The following RAD18 variants were observed in gnomAD, a reference collection of about 807,000 sequenced individuals.
RAD18 encodes the protein E3 ubiquitin-protein ligase RAD18.
Under a neutral mutation model 60.4 loss-of-function variants are expected in RAD18, and 47 were observed. That is an observed-to-expected ratio of 0.78 (90% CI 0.62 to 0.99). The LOEUF (loss-of-function observed/expected upper bound fraction) is 0.99, where lower values mean the gene tolerates loss of function less well. Ranked by LOEUF, RAD18 falls within the 50% of genes least tolerant of loss-of-function variation. RAD18 has a pLI of 0.00. For synonymous variants in RAD18, 225 were observed against 195.5 expected (o/e 1.15, Z -1.26); for missense variants, 640 against 593.3 (o/e 1.08, Z -0.82).
chr3:8,939,626 A>G lies in RAD18; in HGVS notation c.632T>C (p.Ile211Thr). 3 of 1,612,934 alleles carry G rather than the reference A, an allele frequency of 1.9e-6. No individual in the cohort carries two copies. The highest frequency in any genetic ancestry group is 2.5e-6 in the Non-Finnish European group (3 of 1,179,132). The change falls in exon 6 of 13, where the codon ATT (isoleucine) becomes ACT (threonine). Residue 211 changes from isoleucine to threonine, a missense_variant. Physicochemically the swap from Ile to Thr is moderately conservative, Grantham distance 89. Transcript: ENST00000264926. Reference protein sequence around the residue: ...KVDCPVCGVNIPESHINKHLD... With the variant: ...KVDCPVCGVNTPESHINKHLD... Reference sequence around the variant, plus strand: ...ATGCTTATTAATGTGACTTTCTGGAATGTTAACCCCGCAAACAGGACAATC... The same window carrying G: ...ATGCTTATTAATGTGACTTTCTGGAGTGTTAACCCCGCAAACAGGACAATC...
intron 12 of RAD18, among the ~76,000 whole-genome samples, chr3:8,884,044 T>C (rs1427139596): frequency 6.6e-6 from 1 of 152,118 alleles, no homozygotes; most frequent in Non-Finnish European, 1.5e-5. Flanking sequence ...CAGGGAACCA[T>C]TAGACAGGCT....
intron 7 of RAD18, among the ~76,000 whole-genome samples, chr3:8,932,770 T>C (rs962910334): frequency 2.6e-5 from 4 of 152,128 alleles, no homozygotes; most frequent in East Asian, 1.9e-4. Context: ...AATTGTGGCA[T>C]GGCTATAAAG....
Position 8,941,757 on chromosome 3 carries a change from G to A in RAD18, c.314C>T (p.Ala105Val), listed in dbSNP as rs1405968829. Residue 105 changes from alanine (A) to valine (V), a missense_variant, in exon 5 of 13, where the codon GCT (alanine) becomes GTT (valine). Coordinates refer to ENST00000264926, the MANE Select transcript of RAD18 (RefSeq NM_020165.4). Reference sequence around the variant, plus strand: ...AGCAAGATTCTTTGAAGAGGAAGAAGCAGGAGATTTGGCTGGTGACTCTAA... The same window carrying A: ...AGCAAGATTCTTTGAAGAGGAAGAAACAGGAGATTTGGCTGGTGACTCTAA... ...FALESPAKSP[A>V]SSSSKNLAVK... 4 of 1,613,956 alleles carry A rather than the reference G, an allele frequency of 2.5e-6. No homozygotes were observed. The South Asian group carries it at 3.3e-5, about 13-fold the overall frequency.
At chr3:8,897,319 C>T (rs760629135) in intron 11 of RAD18, among the ~76,000 whole-genome samples, 1 of 151,982 alleles carries the variant, frequency 6.6e-6, no homozygotes, top group Admixed American at 6.5e-5. Flanking sequence ...CACTGAACCC[C>T]ACAAGGAAAA....
At chr3:8,923,982 A>G (rs1036374173) in intron 7 of RAD18, among the ~76,000 whole-genome samples, 5 of 152,156 alleles carry the variant, frequency 3.3e-5, no homozygotes, top group African/African-American at 4.8e-5. Flanking sequence ...AAAGACCATC[A>G]AGGCTAGGAA....
chr3:8,938,294 T>C (rs2124825659), intron 6 of RAD18, among the ~76,000 whole-genome samples: 1 of 152,340 alleles, frequency 6.6e-6, no homozygotes, highest in Non-Finnish European at 1.5e-5. Context: ...GTGTCTTATA[T>C]GTTAGCTTTT....
At chr3:8,932,708 T>TA (rs57405233) in intron 7 of RAD18, among the ~76,000 whole-genome samples, 2 of 152,196 alleles carry the variant, frequency 1.3e-5, no homozygotes, top group East Asian at 1.9e-4. Flanking sequence ...TTACTGATAA[T>TA]AAAAAAACTG....
intron 10 of RAD18, among the ~76,000 whole-genome samples, chr3:8,899,495 T>C (rs1358783792): frequency 6.6e-6 from 1 of 152,304 alleles, no homozygotes; most frequent in South Asian, 2.1e-4. Flanking sequence ...TTTCTAAACA[T>C]TTTTCTAGGT....
At position 8,906,969 on chromosome 3, in the gene RAD18, T is replaced by C. The variant is rs142221417; in HGVS notation, c.1028-4449A>G. Among the ~76,000 whole-genome samples the C allele has an allele frequency of 1.7e-3, 258 of 152,382 alleles. 2 individuals are homozygous for C. The highest frequency in any genetic ancestry group is 5.8e-3 in the African/African-American group (243 of 41,594). On this transcript the variant is annotated intron_variant, in intron 9 of 12. Transcript: ENST00000264926. The stretch of plus-strand genomic sequence containing the variant: ...TCCCAAGGGCTTTGTTACTGATTTC[T>C]AATTTAATTTCACTGTGGTCAGAGA...
chr3:8,891,103 T>TATATATATA (rs1939681464), intron 11 of RAD18, among the ~76,000 whole-genome samples: 1 of 150,236 alleles, frequency 6.7e-6, no homozygotes, highest in African/African-American at 2.4e-5. Context: ...TATATCTGTG[T>TATATATATA]TTTATGCATA....
chr3:8,890,592 G>C, intron 11 of RAD18, 141 bp from the exon 12 acceptor site: 1 of 573,982 alleles, frequency 1.7e-6, no homozygotes, highest in East Asian at 2.8e-5. Flanking sequence ...AGGAGGGAGA[G>C]TGGGGGTGGG....
At chr3:8,956,196 A>G (rs949590066) in intron 2 of RAD18, among the ~76,000 whole-genome samples, 9 of 152,116 alleles carry the variant, frequency 5.9e-5, no homozygotes, top group African/African-American at 2.2e-4. Flanking sequence ...GAAGCATTTT[A>G]TGGTTTCTCT....
At chr3:8,947,358 T>C (rs1940854973) in intron 3 of RAD18, 68 bp from the exon 4 acceptor site, 4 of 1,299,356 alleles carry the variant, frequency 3.1e-6, no homozygotes, top group Non-Finnish European at 4.4e-6. Flanking sequence ...ATCTTGTTTT[T>C]GAAAATGTCT....
intron 11 of RAD18, 77 bp from the exon 12 acceptor site, chr3:8,890,528 A>C: frequency 8.6e-7 from 1 of 1,164,340 alleles, no homozygotes; most frequent in Non-Finnish European, 1.3e-6. Context: ...TTCTAGAAAA[A>C]AACAAATGAG....
chr3:8,916,687 T>C (rs34393745), intron 7 of RAD18, among the ~76,000 whole-genome samples: 24 of 152,120 alleles, frequency 1.6e-4, no homozygotes, highest in Non-Finnish European at 2.5e-4. Context: ...ATGTTAGATA[T>C]ATAGATATAG....
intron 9 of RAD18, among the ~76,000 whole-genome samples, chr3:8,911,938 G>A (rs1193342807): frequency 6.6e-6 from 1 of 152,186 alleles, no homozygotes; most frequent in Non-Finnish European, 1.5e-5. Flanking sequence ...GCACAAATTT[G>A]CAAGCTATAG....
chr3:8,926,212 A>G (rs79985925), intron 7 of RAD18, among the ~76,000 whole-genome samples: 100,126 of 150,638 alleles, frequency 0.66, 33,968 homozygotes, highest in Middle Eastern at 0.76. Flanking sequence ...ACTTCAGCAA[A>G]GACTCAGGAT....
At chr3:8,911,954 T>C (rs45484193) in intron 9 of RAD18, among the ~76,000 whole-genome samples, 4,118 of 152,288 alleles carry the variant, frequency 0.027, 72 homozygotes, top group Non-Finnish European at 0.032. Context: ...TATAGAAGCA[T>C]TGAAATCCTA....
intron 7 of RAD18, among the ~76,000 whole-genome samples, chr3:8,925,063 A>T (rs1361242159): frequency 6.6e-6 from 1 of 152,020 alleles, no homozygotes; most frequent in Non-Finnish European, 1.5e-5. Context: ...CTAAGATCAG[A>T]GCAGAACTGA....
Sources: allele counts gnomAD v4.1 joint callset (sites outside exome capture counted in the v4.1 genomes callset), GRCh38; gene constraint gnomAD v4.1.1; transcripts MANE v1.5; gene names NCBI Gene and HGNC (gene_info 2026-07-23, HGNC 2026-07-21).